Variants in SENP8 observed in about 807,000 individuals in gnomAD.
SENP8 encodes SUMO peptidase family member, NEDD8 specific, also known as sentrin-specific protease 8.
SENP8 carries 10 observed loss-of-function variants against 14.4 expected under a neutral mutation model. The observed-to-expected ratio is 0.69, with a 90% CI of 0.43 to 1.18. The LOEUF is 1.18. SENP8 is among the 50% of genes most tolerant of loss of function. The probability of loss-of-function intolerance (pLI) is 0.00; values close to 1 mark genes in which losing one functional copy is unlikely to be tolerated. For missense variants in SENP8, 202 were observed against 249.4 expected, an observed-to-expected ratio of 0.81 and a Z score of 1.28; for synonymous variants, 94 against 95.5, an observed-to-expected ratio of 0.98 and a Z score of 0.09.
rs193004587 is a variant in SENP8 at position 72,135,160 on chromosome 15, C to G, written c.-47-4417C>G. On this transcript the variant is annotated intron_variant, in intron 1 of 1. Transcript: ENST00000340912. ...CACTGCAACCTCTGCCTCCCGTGTTCAAGCGATTCTCCTGCCTCAGCCTCC... is the reference window on the plus strand; with the variant it reads ...CACTGCAACCTCTGCCTCCCGTGTTGAAGCGATTCTCCTGCCTCAGCCTCC... 443 of 190,036 alleles carry G rather than the reference C, an allele frequency of 2.3e-3. 3 individuals are homozygous for G. The highest frequency in any genetic ancestry group is 0.01 in the African/African-American group (422 of 41,866). The allele number at this position is 190,036 out of a possible 1,614,324, so 11.8% of individuals were successfully genotyped here.
chr15:72,132,651 T>A (rs1257689091), intron 1 of SENP8, among the ~76,000 whole-genome samples: 2 of 150,698 alleles, frequency 1.3e-5, no homozygotes, highest in African/African-American at 2.4e-5. Flanking sequence ...CATTTCATAA[T>A]TCTTTTTTTT....
chr15:72,130,557 A>T (rs1258860596), intron 1 of SENP8, among the ~76,000 whole-genome samples: 18 of 106,122 alleles, frequency 1.7e-4, no homozygotes, highest in Admixed American at 2.3e-4. Context: ...ATGTTTTAGG[A>T]TTTTTTTTTT....
At chr15:72,129,971 A>G (rs909404649) in intron 1 of SENP8, among the ~76,000 whole-genome samples, 4 of 151,988 alleles carry the variant, frequency 2.6e-5, no homozygotes, top group Non-Finnish European at 5.9e-5. Flanking sequence ...GGATCACCTG[A>G]GGTCAGGAGT....
intron 1 of SENP8, among the ~76,000 whole-genome samples, chr15:72,124,698 A>T (rs1005537062): frequency 2.6e-5 from 4 of 152,206 alleles, no homozygotes; most frequent in African/African-American, 7.2e-5. Context: ...TTATGTCATT[A>T]TAAGAGTGGG....
upstream of SENP8, among the ~76,000 whole-genome samples, chr15:72,116,206 T>G (rs1176167886): frequency 6.6e-6 from 1 of 152,224 alleles, no homozygotes; most frequent in East Asian, 1.9e-4. Context: ...TTTACTACAT[T>G]ACTCTTCCGA....
At chr15:72,122,518 G>A (rs2081177923) in intron 1 of SENP8, among the ~76,000 whole-genome samples, 1 of 152,188 alleles carries the variant, frequency 6.6e-6, no homozygotes, top group South Asian at 2.1e-4. Context: ...CTAAAAAATT[G>A]AATTTGGGGT....
chr15:72,127,258 TAAAC>T (rs1002158365), intron 1 of SENP8, among the ~76,000 whole-genome samples: 14 of 152,116 alleles, frequency 9.2e-5, no homozygotes, highest in African/African-American at 3.1e-4. Flanking sequence ...TATGAACCAA[TAAAC>T]AAATAAATTA....
chr15:72,119,397 T>C (rs996103635), intron 1 of SENP8, among the ~76,000 whole-genome samples: 1 of 152,230 alleles, frequency 6.6e-6, no homozygotes, highest in Admixed American at 6.5e-5. Flanking sequence ...TGCTAAAGAT[T>C]GAGACTCACT....
chr15:72,140,408 A>G lies in SENP8; in HGVS notation c.*146A>G. 1 of 641,624 alleles carries G rather than the reference A, an allele frequency of 1.6e-6. No individual in the cohort carries two copies. Among genetic ancestry groups the G allele is most frequent in the African/African-American group, 1.8e-5 (1 of 54,502 alleles). 39.7% of individuals were successfully genotyped at this position (641,624 alleles called of 1,614,324 possible). Reference sequence around the variant, plus strand: ...TTCCTGAAAGAATATCATCCTCTGCATTATCCCCATGGAACGTTTCACTTT... The same window carrying G: ...TTCCTGAAAGAATATCATCCTCTGCGTTATCCCCATGGAACGTTTCACTTT... On this transcript the variant is annotated 3_prime_UTR_variant, in exon 2 of 2. Transcript: ENST00000340912.
At chr15:72,121,893 T>C (rs1283125648) in intron 1 of SENP8, among the ~76,000 whole-genome samples, 1 of 152,230 alleles carries the variant, frequency 6.6e-6, no homozygotes, top group Non-Finnish European at 1.5e-5. Context: ...TAGCCCAGTC[T>C]TTTGTATTAT....
intron 1 of SENP8, among the ~76,000 whole-genome samples, chr15:72,126,438 C>A (rs2140502347): frequency 6.6e-6 from 1 of 152,150 alleles, no homozygotes; most frequent in African/African-American, 2.4e-5. Context: ...CCTGGCCAAG[C>A]TGGTGAAACC....
At chr15:72,136,748 AGTCTT>A (rs1215272109) in intron 1 of SENP8, among the ~76,000 whole-genome samples, 2 of 152,210 alleles carry the variant, frequency 1.3e-5, no homozygotes, top group East Asian at 3.8e-4. Flanking sequence ...TCATAATTCT[AGTCTT>A]GTCTTTTACA....
rs140941022 is a variant in SENP8 at position 72,131,661 on chromosome 15, T to C, written c.-47-7916T>C. On this transcript the variant is annotated intron_variant, in intron 1 of 1. Transcript: ENST00000340912. The stretch of plus-strand genomic sequence containing the variant: ...ATATTAGCTTCATTTAATTACAGAA[T>C]TTGGAAGATACAATAAACTAACCCC... Among the ~76,000 whole-genome samples the C allele has an allele frequency of 3.9e-5, 6 of 152,302 alleles. No individual in the cohort carries two copies. The East Asian group carries it at 1.2e-3, about 29-fold the overall frequency.
rs2081369738 is a variant in SENP8 at position 72,140,335 on chromosome 15, T to A, written c.*73T>A. The A allele has an allele frequency of 2.7e-6, 3 of 1,091,968 alleles. No individual in the cohort carries two copies. The South Asian group carries it at 4.3e-5, about 15-fold the overall frequency. The allele number at this position is 1,091,968 out of a possible 1,614,324, so 67.6% of individuals were successfully genotyped here. ...CCCCATTTGTTGGATGGCTGCAATCTCAGTGCCTGAGGGAAGATGCCTAGT... is the reference window on the plus strand; with the variant it reads ...CCCCATTTGTTGGATGGCTGCAATCACAGTGCCTGAGGGAAGATGCCTAGT... On this transcript the variant is annotated 3_prime_UTR_variant, in exon 2 of 2. Coordinates refer to ENST00000340912, the MANE Select transcript of SENP8 (RefSeq NM_145204.4).
chr15:72,120,274 G>C (rs1035834950), intron 1 of SENP8, among the ~76,000 whole-genome samples: 13 of 152,198 alleles, frequency 8.5e-5, no homozygotes, highest in Non-Finnish European at 1.5e-5. Context: ...AATTCACTTG[G>C]CAGGCAGAGA....
chr15:72,121,870 G>GTGGTCAAGAGGCTAGCCCAGTCTT (rs1364468658), intron 1 of SENP8, among the ~76,000 whole-genome samples: 2 of 152,224 alleles, frequency 1.3e-5, no homozygotes, highest in Admixed American at 1.3e-4. Context: ...TTAACTTTAT[G>GTGGTCAAGAGGCTAGCCCAGTCTT]TGGTCAAGAG....
At chr15:72,123,763 C>T (rs568960684) in intron 1 of SENP8, among the ~76,000 whole-genome samples, 65 of 152,230 alleles carry the variant, frequency 4.3e-4, no homozygotes, top group African/African-American at 1.3e-3. Context: ...TGATCTAGAA[C>T]GCCCGACCTC....
chr15:72,125,738 C>T (rs1160837528), intron 1 of SENP8, among the ~76,000 whole-genome samples: 1 of 152,000 alleles, frequency 6.6e-6, no homozygotes, highest in Non-Finnish European at 1.5e-5. Flanking sequence ...TCGTTAGCCT[C>T]TAGTGTGTGT....
chr15:72,134,957 T>C (rs2081312129), intron 1 of SENP8: 2 of 303,058 alleles, frequency 6.6e-6, no homozygotes, highest in Admixed American at 8.3e-5. Context: ...CTTCCTGAAA[T>C]CGTGAAGGAA....
Sources: allele counts gnomAD v4.1 joint callset (sites outside exome capture counted in the v4.1 genomes callset), GRCh38; gene constraint gnomAD v4.1.1; transcripts MANE v1.5; gene names NCBI Gene and HGNC (gene_info 2026-07-23, HGNC 2026-07-21).